LIPM: variants seen among roughly 807,000 people sequenced by gnomAD.
LIPM encodes lipase family member M.
A neutral mutation model predicts 42.4 loss-of-function variants in LIPM; 42 were observed. The observed-to-expected ratio is 0.99, with a 90% confidence interval of 0.77 to 1.28. The LOEUF (loss-of-function observed/expected upper bound fraction) is 1.28. Ranked by LOEUF, LIPM falls within the 50% of genes most tolerant of loss-of-function variation. LIPM has a pLI of 0.00. For missense variants in LIPM, 524 were observed against 520.1 expected (o/e 1.01, Z -0.07); for synonymous variants, 177 against 173.3 (o/e 1.02, Z -0.17).
chr10:88,816,972 A>C, intron 7 of LIPM, 85 bp downstream of exon 7: 2 of 1,006,794 alleles, frequency 2.0e-6, no homozygotes, highest in Non-Finnish European at 3.1e-6. Context: ...TAGATAAGCC[A>C]GGGATTATTT....
At position 88,815,223 on chromosome 10, in the gene LIPM, AG is replaced by A. The variant is rs138170497; in HGVS notation, c.711+1del. 5.1e-3 allele frequency: 7,990 copies of A among 1,551,514 alleles called. 33 individuals carry two copies. Among genetic ancestry groups the A allele is most frequent in the Non-Finnish European group, 5.7e-3 (6,515 of 1,146,934 alleles). Reference sequence around the variant, plus strand: ...TTGTTGCTGCCAGATATGATGATCAAGGTATGAGACTCCTCAGAAAACTTCC... The same window carrying A: ...TTGTTGCTGCCAGATATGATGATCAAGTATGAGACTCCTCAGAAAACTTCC... ...KFLLLPDMMI[K>X]GLFGKKEFLY... On this transcript the variant is annotated frameshift_variant and splice_region_variant, in exon 5 of 9. Coordinates refer to ENST00000404743, the MANE Select transcript of LIPM (RefSeq NM_001128215.1). LOFTEE classifies it high-confidence loss of function.
chr10:88,808,196 T>C (rs1843611144), intron 1 of LIPM, 102 bp from the exon 2 acceptor site: 2 of 667,860 alleles, frequency 3.0e-6, no homozygotes, highest in South Asian at 1.9e-5. Context: ...GCAAGGACTT[T>C]CACTGTGTTT....
Position 88,808,360 on chromosome 10 carries a change from G to C in LIPM, c.210G>C (p.Gly70=), listed in dbSNP as rs151303850. Residue 70 remains glycine, a synonymous_variant, in exon 2 of 9, where the codon GGG becomes GGC. Coordinates refer to ENST00000404743, the MANE Select transcript of LIPM (RefSeq NM_001128215.1). ...AATATGAAGTCGCAACTGAAGATGG[G>C]TATATCCTTTCTGTTAACAGGATTC... ...CEEYEVATED[G]YILSVNRIPR... 64 of 1,551,564 alleles carry C rather than the reference G, an allele frequency of 4.1e-5. No homozygotes were observed. In the East Asian group the frequency reaches 1.1e-3, roughly 28 times the overall value.
chr10:88,815,055 C>T (rs201619978), intron 4 of LIPM, 33 bp from the exon 5 acceptor site: 61 of 1,504,732 alleles, frequency 4.1e-5, no homozygotes, highest in Admixed American at 7.6e-5. Flanking sequence ...AAAAATATTT[C>T]GTATTCATGT....
At chr10:88,820,114 A>G (rs1843768908) in intron 8 of LIPM, 118 bp from the exon 9 acceptor site, 1 of 758,820 alleles carries the variant, frequency 1.3e-6, no homozygotes, top group South Asian at 2.0e-5. Flanking sequence ...TGTGGCTCTA[A>G]CACCCATGTA....
In LIPM at chr10:88,813,214, G is replaced by A; in HGVS notation, c.383G>A (p.Trp128Ter). 1 of 1,613,720 alleles carries A rather than the reference G, an allele frequency of 6.2e-7. No homozygotes were observed. The highest frequency in any genetic ancestry group is 8.5e-7 in the Non-Finnish European group (1 of 1,179,824). ...CTGGCAGATGCTGGTTTTGACGTGT[G>A]GATGGGGAACAGCAGGGGAAACGCC... Reference protein sequence around the residue: ...FILADAGFDVWMGNSRGNAWS... With the variant: ...FILADAGFDV The change falls in exon 3 of 9, where the codon TGG becomes TAG. Residue 128 changes from tryptophan (W) to a stop codon, truncating the protein, a stop_gained. Transcript: ENST00000404743. LOFTEE classifies it high-confidence loss of function.
At position 88,802,871 on chromosome 10, in the gene LIPM, G is replaced by GA. The variant is rs1554830730; in HGVS notation, c.-20dup. ...TTAGAATTAGTTGTTACATTGGCAG[G>GA]AAAAAATAAATGCAGATGTTGGACC... On this transcript the variant is annotated 5_prime_UTR_variant, in exon 1 of 9. Coordinates refer to ENST00000404743, the MANE Select transcript of LIPM (RefSeq NM_001128215.1). 6 of 1,518,438 alleles carry GA rather than the reference G, an allele frequency of 4.0e-6. No individual in the cohort carries two copies. The highest frequency in any genetic ancestry group is 3.8e-5 in the South Asian group (3 of 78,412). The allele number at this position is 1,518,438 out of a possible 1,614,324, so 94.1% of individuals were successfully genotyped here.
rs35806035 is a variant in LIPM, at chr10:88,809,784, CT to C, written c.265+1378del. 7.5e-3 allele frequency among the ~76,000 whole-genome samples: 1,137 copies of C among 151,764 alleles called. 5 individuals carry two copies. Among genetic ancestry groups the C allele is most frequent in the Non-Finnish European group, 0.011 (743 of 67,862 alleles). On this transcript the variant is annotated intron_variant, in intron 2 of 8. Coordinates refer to ENST00000404743, the MANE Select transcript of LIPM (RefSeq NM_001128215.1). ...TACTTGTGTAGCTTTTTGAAACCAC[CT>C]TTTTTTTTCTCACTAGCTGCACAGC... is the stretch of plus-strand genomic sequence containing the variant.
chr10:88,816,615 A>G (rs73354425), intron 6 of LIPM, among the ~76,000 whole-genome samples: 4,844 of 152,276 alleles, frequency 0.032, 253 homozygotes, highest in African/African-American at 0.11. Flanking sequence ...ACCTATTCTC[A>G]GATGAAAAAT....
chr10:88,818,156 A>T (rs562413384), intron 8 of LIPM, among the ~76,000 whole-genome samples: 7 of 152,206 alleles, frequency 4.6e-5, no homozygotes, highest in Non-Finnish European at 7.3e-5. Context: ...CAGGAGCAAG[A>T]TGAAGTAGAT....
rs750131365 is a variant in LIPM at position 88,813,162 on chromosome 10, C to A, written c.331C>A (p.Leu111Met). The A allele has an allele frequency of 6.2e-7, 1 of 1,612,818 alleles. No individual in the cohort carries two copies. Among genetic ancestry groups the A allele is most frequent in the African/African-American group, 1.3e-5 (1 of 74,884 alleles). ...AGGTGCTAGCAACTGGATTTCCAAC[C>A]TGCCCAACAATAGCCTGGGCTTCAT... ...VGGASNWISN[L>M]PNNSLGFILA... The change falls in exon 3 of 9, where the codon CTG becomes ATG. Residue 111 changes from leucine (L) to methionine (M), a missense_variant. Transcript: ENST00000404743.
chr10:88,809,000 G>A (rs1004488377), intron 2 of LIPM, among the ~76,000 whole-genome samples: 13 of 149,160 alleles, frequency 8.7e-5, no homozygotes, highest in African/African-American at 3.3e-4. Flanking sequence ...TGTTGCCCAG[G>A]CTGGAGTGCA....
chr10:88,808,194 T>C, intron 1 of LIPM, 104 bp from the exon 2 acceptor site: 1 of 662,582 alleles, frequency 1.5e-6, no homozygotes, highest in South Asian at 1.9e-5. Flanking sequence ...AAGCAAGGAC[T>C]TTCACTGTGT....
rs1437016652 is a variant in LIPM at position 88,817,938 on chromosome 10, G to A, written c.1002+42G>A. On this transcript the variant is annotated intron_variant, in intron 8 of 8. Coordinates refer to ENST00000404743, the MANE Select transcript of LIPM (RefSeq NM_001128215.1). The stretch of plus-strand genomic sequence containing the variant: ...CCATCTGCTGAAAATATATACATTG[G>A]AAATGTATGACAGGGACGTTATAAT... 4 of 1,362,502 alleles carry A rather than the reference G, an allele frequency of 2.9e-6. No homozygotes were observed. In the Admixed American group the frequency reaches 7.9e-5, roughly 27 times the overall value. The allele number at this position is 1,362,502 out of a possible 1,614,324, so 84.4% of individuals were successfully genotyped here. A position where few individuals can be genotyped will look rare whatever the true frequency, so the allele number is the denominator to read the frequency against.
At chr10:88,808,226 C>A (rs1843611473) in intron 1 of LIPM, 72 bp from the exon 2 acceptor site, 1 of 830,252 alleles carries the variant, frequency 1.2e-6, no homozygotes, top group Admixed American at 2.1e-5. Context: ...AAGGAATCTA[C>A]TCTTACTTTT....
rs1843545935 is a variant in LIPM, at chr10:88,802,999, C to T, written c.103C>T (p.His35Tyr). Residue 35 changes from histidine (H) to tyrosine (Y), a missense_variant, in exon 1 of 9, where the codon CAT becomes TAT. By Grantham distance (83) the His-to-Tyr change is moderately conservative. Transcript: ENST00000404743. ...YMFQRNVNSV[H>Y]MPTKAVDPEA... ...GTTCCAGAGAAATGTGAATTCAGTA[C>T]ATATGCCAACTAAAGCTGTGGACCC... 2 of 1,551,356 alleles carry T rather than the reference C, an allele frequency of 1.3e-6. No individual in the cohort carries two copies. Among genetic ancestry groups the T allele is most frequent in the East Asian group, 2.4e-5 (1 of 40,896 alleles).
chr10:88,814,029 A>C (rs1426239461), intron 3 of LIPM, among the ~76,000 whole-genome samples: 5 of 152,198 alleles, frequency 3.3e-5, no homozygotes, highest in Admixed American at 6.5e-5. Flanking sequence ...TTTGAGTGGG[A>C]ACACAAGGCC....
intron 6 of LIPM, among the ~76,000 whole-genome samples, chr10:88,816,599 A>G (rs1843720678): frequency 6.6e-6 from 1 of 152,190 alleles, no homozygotes; most frequent in Non-Finnish European, 1.5e-5. Flanking sequence ...CAGATCTCTG[A>G]TGAGAACCTA....
intron 2 of LIPM, among the ~76,000 whole-genome samples, chr10:88,809,041 G>T (rs1312404244): frequency 6.6e-6 from 1 of 151,592 alleles, no homozygotes; most frequent in African/African-American, 2.4e-5. Flanking sequence ...CGCAACCTCC[G>T]CCTCCTGGGT....
Sources: gnomAD v4.1 joint callset for allele counts (sites outside exome capture counted in the v4.1 genomes callset) on GRCh38, gnomAD v4.1.1 for gene constraint, MANE v1.5 for transcripts, NCBI Gene and HGNC (gene_info 2026-07-23, HGNC 2026-07-21) for gene names.